The following GRID2 variants were observed in gnomAD, a reference collection of about 807,000 sequenced individuals.
GRID2 encodes glutamate receptor ionotropic, delta-2.
In GRID2, 33 loss-of-function variants were observed where a neutral mutation model predicts 114.8. That is an observed-to-expected ratio of 0.29 (90% confidence interval 0.22 to 0.38). GRID2 has a LOEUF of 0.38. GRID2 is among the 10% of genes least tolerant of loss of function. GRID2 has a pLI of 1.00. For missense variants in GRID2, 1,184 were observed against 1,257.7 expected (o/e 0.94, Z 0.89); for synonymous variants, 505 against 449.9 (o/e 1.12, Z -1.55).
chr4:92,607,808 G>A (rs1198954501), intron 2 of GRID2, among the ~76,000 whole-genome samples: 1 of 151,888 alleles, frequency 6.6e-6, no homozygotes, highest in Non-Finnish European at 1.5e-5. Flanking sequence ...AGCGAAGAAT[G>A]TAGAGGTAAC....
At chr4:92,891,965 A>T (rs551288534) in intron 2 of GRID2, among the ~76,000 whole-genome samples, 6 of 152,302 alleles carry the variant, frequency 3.9e-5, no homozygotes, top group Admixed American at 3.9e-4. Context: ...CTTTGAAAGT[A>T]TGCCTCTTAT....
intron 2 of GRID2, among the ~76,000 whole-genome samples, chr4:92,599,028 C>CTTTTTTTTTTTTTTTTTTTTTTT: frequency 8.7e-6 from 1 of 115,288 alleles, no homozygotes; most frequent in Non-Finnish European, 1.8e-5. Flanking sequence ...AATGCTTTTC[C>CTTTTTTTTTTTTTTTTTTTTTTT]TTTTTTTTTT....
intron 1 of GRID2, among the ~76,000 whole-genome samples, chr4:92,345,214 G>C (rs1424492878): frequency 6.6e-6 from 1 of 151,598 alleles, no homozygotes; most frequent in Non-Finnish European, 1.5e-5. Context: ...GTGATGTTTG[G>C]TTTTCCATAC....
chr4:92,575,911 G>T (rs1021734093), intron 1 of GRID2, among the ~76,000 whole-genome samples: 1 of 152,234 alleles, frequency 6.6e-6, no homozygotes, highest in Non-Finnish European at 1.5e-5. Context: ...AGCCCTGGCT[G>T]GGAGGACCCT....
chr4:92,835,422 T>A (rs1459783616), intron 2 of GRID2, among the ~76,000 whole-genome samples: 1 of 152,066 alleles, frequency 6.6e-6, no homozygotes, highest in Non-Finnish European at 1.5e-5. Context: ...ATGTTTATAA[T>A]TGTTTATATT....
At chr4:92,719,741 G>A (rs912343261) in intron 2 of GRID2, among the ~76,000 whole-genome samples, 2 of 151,826 alleles carry the variant, frequency 1.3e-5, no homozygotes, top group African/African-American at 4.8e-5. Context: ...GGAGAATAGG[G>A]GGAAGAAAAG....
intron 2 of GRID2, among the ~76,000 whole-genome samples, chr4:92,981,339 A>C (rs1050786585): frequency 2.6e-5 from 4 of 151,768 alleles, no homozygotes; most frequent in African/African-American, 9.7e-5. Flanking sequence ...CATAATAACC[A>C]CTCTGTTCCT....
At chr4:92,657,643 A>G in intron 2 of GRID2, among the ~76,000 whole-genome samples, 1 of 150,616 alleles carries the variant, frequency 6.6e-6, no homozygotes, top group Non-Finnish European at 1.5e-5. Flanking sequence ...AGGAAAAACA[A>G]AAAGCAAAAA....
At chr4:93,292,489 T>C (rs991069169) in intron 8 of GRID2, among the ~76,000 whole-genome samples, 2 of 152,152 alleles carry the variant, frequency 1.3e-5, no homozygotes, top group Non-Finnish European at 2.9e-5. Context: ...TAGCTATTCT[T>C]TTAGGCCCTT....
intron 2 of GRID2, among the ~76,000 whole-genome samples, chr4:92,881,538 TACAAC>T (rs1746012543): frequency 1.3e-5 from 2 of 152,186 alleles, no homozygotes; most frequent in South Asian, 2.1e-4. Context: ...TGATTTGCAT[TACAAC>T]ACAAGTCAAG....
At chr4:92,854,662 T>A (rs566559032) in intron 2 of GRID2, among the ~76,000 whole-genome samples, 11 of 151,986 alleles carry the variant, frequency 7.2e-5, no homozygotes, top group Non-Finnish European at 1.6e-4. Context: ...TTTAAATATA[T>A]GTTTTAAAAA....
intron 2 of GRID2, among the ~76,000 whole-genome samples, chr4:92,931,227 A>T (rs951858437): frequency 6.6e-6 from 1 of 151,014 alleles, no homozygotes; most frequent in Non-Finnish European, 1.5e-5. Context: ...AATTCACCAT[A>T]TTAATAGAAT....
intron 12 of GRID2, among the ~76,000 whole-genome samples, chr4:93,500,410 T>C (rs936677934): frequency 2.6e-5 from 4 of 151,984 alleles, no homozygotes; most frequent in Non-Finnish European, 5.9e-5. Flanking sequence ...CCTTGGCCTG[T>C]CTTTCTCTCT....
chr4:93,210,235 T>C (rs1743297104), intron 5 of GRID2, among the ~76,000 whole-genome samples: 1 of 152,182 alleles, frequency 6.6e-6, no homozygotes, highest in Non-Finnish European at 1.5e-5. Context: ...TTTAAGGTTT[T>C]AATCCATCTT....
intron 2 of GRID2, among the ~76,000 whole-genome samples, chr4:92,921,081 A>G (rs1052188363): frequency 6.6e-6 from 1 of 151,870 alleles, no homozygotes; most frequent in Non-Finnish European, 1.5e-5. Context: ...CTTCTCTTTT[A>G]GCTTCATTTC....
chr4:92,437,916 A>G (rs1232585011), intron 1 of GRID2, among the ~76,000 whole-genome samples: 2 of 152,218 alleles, frequency 1.3e-5, no homozygotes, highest in Non-Finnish European at 2.9e-5. Flanking sequence ...TTTCAGATCC[A>G]TACAGTCTTT....
intron 2 of GRID2, among the ~76,000 whole-genome samples, chr4:92,765,138 C>T (rs1738199323): frequency 6.6e-6 from 1 of 152,020 alleles, no homozygotes; most frequent in African/African-American, 2.4e-5. Flanking sequence ...GGAAAAACAC[C>T]TGCTCACACT....
At chr4:93,384,697 C>T (rs146702363) in intron 8 of GRID2, among the ~76,000 whole-genome samples, 50 of 152,160 alleles carry the variant, frequency 3.3e-4, no homozygotes, top group African/African-American at 1.1e-3. Flanking sequence ...CACTAATGCA[C>T]GGTGGTTGTA....
intron 13 of GRID2, among the ~76,000 whole-genome samples, chr4:93,598,296 T>A (rs1227489058): frequency 6.6e-6 from 1 of 152,200 alleles, no homozygotes; most frequent in Non-Finnish European, 1.5e-5. Context: ...TTATTCCATT[T>A]CTTCCAGCTG....
Sources: allele counts gnomAD v4.1 joint callset (sites outside exome capture counted in the v4.1 genomes callset), GRCh38; gene constraint gnomAD v4.1.1; transcripts MANE v1.5; gene names NCBI Gene and HGNC (gene_info 2026-07-23, HGNC 2026-07-21).